TLN2: variants seen among roughly 807,000 people sequenced by gnomAD.
TLN2 encodes the protein talin 2, also known as talin-2.
A neutral mutation model predicts 294.7 loss-of-function variants in TLN2; 118 were observed. The observed-to-expected ratio is 0.40, with a 90% CI of 0.34 to 0.47. The LOEUF (loss-of-function observed/expected upper bound fraction) is 0.47, where lower values mean the gene tolerates loss of function less well. TLN2 is among the 20% of genes least tolerant of loss of function. The probability of loss-of-function intolerance (pLI) is 0.84; values close to 1 mark genes in which losing one functional copy is unlikely to be tolerated. For missense variants in TLN2, 3,083 were observed against 3,282.2 expected, an observed-to-expected ratio of 0.94 and a Z score of 1.48; for synonymous variants, 1,431 against 1,304.5, an observed-to-expected ratio of 1.10 and a Z score of -2.09.
intron 8 of TLN2, among the ~76,000 whole-genome samples, chr15:62,657,532 G>A (rs1352675019): frequency 1.3e-5 from 2 of 152,160 alleles, no homozygotes; most frequent in Non-Finnish European, 2.9e-5. Context: ...TGCTTTTGCT[G>A]TACTGGACAC....
chr15:62,817,726 G>T (rs2067224993), intron 52 of TLN2, among the ~76,000 whole-genome samples: 1 of 151,998 alleles, frequency 6.6e-6, no homozygotes. Flanking sequence ...AGGAGTGTGG[G>T]GCACCAAGAA....
chr15:62,446,199 C>T (rs915815567), intron 1 of TLN2, among the ~76,000 whole-genome samples: 8 of 151,758 alleles, frequency 5.3e-5, no homozygotes, highest in Admixed American at 3.3e-4. Flanking sequence ...AGGGTTTCAC[C>T]GTGTTAGCCA....
intron 3 of TLN2, chr15:62,640,348 G>A (rs1382792513): frequency 2.2e-6 from 1 of 456,954 alleles, no homozygotes; most frequent in South Asian, 1.5e-5. Flanking sequence ...GGAGGTCACG[G>A]TGGAGAGTGA....
chr15:62,403,411 AT>A (rs926577462), intron 1 of TLN2, among the ~76,000 whole-genome samples: 36 of 151,948 alleles, frequency 2.4e-4, no homozygotes, highest in Middle Eastern at 3.4e-3. Context: ...CTTTTTGCCA[AT>A]TTTTGTTTTT....
chr15:62,431,388 C>T lies in TLN2; in HGVS notation c.-238+40703C>T, dbSNP rs148659202. Among the ~76,000 whole-genome samples, 104 of 152,320 alleles carry T rather than the reference C, an allele frequency of 6.8e-4. 1 individual carries two copies. Among genetic ancestry groups the T allele is most frequent in the African/African-American group, 2.4e-3 (101 of 41,558 alleles). ...ACTAATTAAGGCCGAATGTTCTCTA[C>T]ATATTTGTGGAATATAATTTGACTG... is the stretch of plus-strand genomic sequence containing the variant. On this transcript the variant is annotated intron_variant, in intron 1 of 58. Coordinates refer to ENST00000636159, the MANE Select transcript of TLN2 (RefSeq NM_015059.3).
Position 62,618,927 on chromosome 15 carries a change from C to A in TLN2, c.-37+452C>A, listed in dbSNP as rs139686420. Among the ~76,000 whole-genome samples the A allele has an allele frequency of 6.6e-5, 10 of 152,350 alleles. No individual in the cohort carries two copies. In the East Asian group the frequency reaches 1.9e-3, roughly 29 times the overall value. On this transcript the variant is annotated intron_variant, in intron 3 of 58. Coordinates refer to ENST00000636159, the MANE Select transcript of TLN2 (RefSeq NM_015059.3). ...CTGTTAATGTTATAAACTAAACTCA[C>A]ACCATATAAACTAGTTTACGGGACT... is the stretch of plus-strand genomic sequence containing the variant.
chr15:62,659,451 A>G (rs2053584892), intron 9 of TLN2, among the ~76,000 whole-genome samples: 1 of 152,194 alleles, frequency 6.6e-6, no homozygotes, highest in South Asian at 2.1e-4. Flanking sequence ...TACCAACCAA[A>G]TCATCATGAA....
At chr15:62,711,370 A>T (rs116470645) in intron 21 of TLN2, among the ~76,000 whole-genome samples, 5,914 of 152,340 alleles carry the variant, frequency 0.039, 125 homozygotes, top group Middle Eastern at 0.075. Flanking sequence ...ACTCCAGGCC[A>T]AGGCAAGTCA....
At chr15:62,706,992 A>C in intron 19 of TLN2, 94 bp from the exon 20 acceptor site, 1 of 1,412,694 alleles carries the variant, frequency 7.1e-7, no homozygotes, top group Non-Finnish European at 9.4e-7. Context: ...ACTGAAGGAA[A>C]AAGATCAAAT....
chr15:62,444,620 G>A (rs559527792), intron 1 of TLN2, among the ~76,000 whole-genome samples: 4 of 152,306 alleles, frequency 2.6e-5, no homozygotes, highest in South Asian at 4.1e-4. Context: ...TTCACCGCAC[G>A]GTCCTGACTC....
At chr15:62,631,663 C>CTTT (rs1240189194) in intron 3 of TLN2, among the ~76,000 whole-genome samples, 5 of 144,786 alleles carry the variant, frequency 3.5e-5, no homozygotes, top group African/African-American at 7.7e-5. Flanking sequence ...CTTTTTCTTT[C>CTTT]TTTCTCTTTC....
intron 20 of TLN2, among the ~76,000 whole-genome samples, chr15:62,707,472 C>T (rs572265741): frequency 6.6e-6 from 1 of 152,326 alleles, no homozygotes; most frequent in East Asian, 1.9e-4. Flanking sequence ...TGGTACTTTT[C>T]ACTAGTTCAT....
intron 38 of TLN2, 94 bp downstream of exon 38, chr15:62,761,915 C>T (rs2062700362): frequency 6.6e-7 from 1 of 1,523,228 alleles, no homozygotes; most frequent in African/African-American, 1.4e-5. Context: ...ACAGCTCTCT[C>T]TGTCAACATG....
At chr15:62,608,112 T>G (rs542403573) in intron 2 of TLN2, among the ~76,000 whole-genome samples, 1 of 147,180 alleles carries the variant, frequency 6.8e-6, no homozygotes, top group African/African-American at 2.5e-5. Flanking sequence ...ACCCCACCCC[T>G]GCATCTAATT....
chr15:62,730,453 G>A (rs569174888), intron 28 of TLN2, among the ~76,000 whole-genome samples: 30 of 152,090 alleles, frequency 2.0e-4, no homozygotes, highest in Middle Eastern at 3.4e-3. Flanking sequence ...ATCACCCTTC[G>A]TTCCTTCTGC....
chr15:62,798,459 A>G (rs1219284985), intron 48 of TLN2, among the ~76,000 whole-genome samples: 2 of 151,994 alleles, frequency 1.3e-5, no homozygotes, highest in Non-Finnish European at 1.5e-5. Flanking sequence ...GAACAAGTAT[A>G]TGTTCACCTG....
chr15:62,565,493 C>A (rs907503331), intron 1 of TLN2, among the ~76,000 whole-genome samples: 1 of 152,276 alleles, frequency 6.6e-6, no homozygotes, highest in East Asian at 1.9e-4. Context: ...AATTAACATA[C>A]CACTTCGTAA....
intron 2 of TLN2, among the ~76,000 whole-genome samples, chr15:62,601,767 A>G (rs1392373122): frequency 6.6e-6 from 1 of 152,146 alleles, no homozygotes; most frequent in African/African-American, 2.4e-5. Flanking sequence ...GTCGGGATAA[A>G]TATGTTCTTT....
intron 1 of TLN2, among the ~76,000 whole-genome samples, chr15:62,522,373 C>T (rs2040504703): frequency 6.6e-6 from 1 of 152,224 alleles, no homozygotes; most frequent in Non-Finnish European, 1.5e-5. Context: ...GGTTTCTACA[C>T]TTCATCCAGG....
Sources: allele counts gnomAD v4.1 joint callset (sites outside exome capture counted in the v4.1 genomes callset), GRCh38; gene constraint gnomAD v4.1.1; transcripts MANE v1.5; gene names NCBI Gene and HGNC (gene_info 2026-07-23, HGNC 2026-07-21).